The following SLC24A2 variants were observed in gnomAD, a reference collection of about 807,000 sequenced individuals.
SLC24A2 encodes the protein sodium/potassium/calcium exchanger 2.
SLC24A2 carries 36 observed loss-of-function variants against 62.0 expected under a neutral mutation model. The observed-to-expected ratio is 0.58, with a 90% CI of 0.44 to 0.77. SLC24A2 has a LOEUF of 0.77. Ranked by LOEUF, SLC24A2 falls within the 30% of genes least tolerant of loss-of-function variation. The pLI, the probability that SLC24A2 is intolerant of heterozygous loss-of-function variation, is 0.00. For missense variants in SLC24A2, 846 were observed against 817.9 expected (o/e 1.03, Z -0.42); for synonymous variants, 358 against 294.0 (o/e 1.22, Z -2.23).
chr9:20,217,931 T>C, the SLC24A2 span, among the ~76,000 whole-genome samples: 9 of 152,208 alleles, frequency 5.9e-5, no homozygotes, highest in African/African-American at 2.2e-4. Flanking sequence ...AAACCAGTTA[T>C]ATGCGTTTTC....
At chr9:19,543,843 CT>C (rs1194006327) in intron 8 of SLC24A2, among the ~76,000 whole-genome samples, 4 of 152,142 alleles carry the variant, frequency 2.6e-5, no homozygotes, top group African/African-American at 9.7e-5. Flanking sequence ...GAGTGTTTTA[CT>C]TCCAATTATG....
At chr9:19,532,716 G>A (rs1028648381) in intron 8 of SLC24A2, among the ~76,000 whole-genome samples, 5 of 152,084 alleles carry the variant, frequency 3.3e-5, no homozygotes, top group Non-Finnish European at 5.9e-5. Flanking sequence ...AACCTCTGTG[G>A]GTGTCAATTA....
chr9:19,901,248 G>T, the SLC24A2 span, among the ~76,000 whole-genome samples: 952 of 152,282 alleles, frequency 6.3e-3, 4 homozygotes, highest in Admixed American at 9.7e-3. Flanking sequence ...ATATAATGAT[G>T]GCACAAAGGG....
chr9:19,695,679 CAAAA>C (rs66668393), intron 2 of SLC24A2, among the ~76,000 whole-genome samples: 1,043 of 73,602 alleles, frequency 0.014, 7 homozygotes, highest in East Asian at 0.13. Flanking sequence ...TTGTTAGTAG[CAAAA>C]AAAAAAAAAA....
the SLC24A2 span, among the ~76,000 whole-genome samples, chr9:19,963,764 G>C: frequency 1.3e-5 from 2 of 152,100 alleles, no homozygotes; most frequent in Non-Finnish European, 2.9e-5. Flanking sequence ...CTTTTACACT[G>C]TTGGTGGGAC....
In SLC24A2 at chr9:19,756,903, C is replaced by CTTTTTTTTTTTTT. The variant is rs780450451; in HGVS notation, c.930+29021_930+29033dup. On this transcript the variant is annotated intron_variant, in intron 2 of 10. Transcript: ENST00000341998. ...GATATTCACACTTCTTTTACTGAAGCTTTTTTTTTTTTTTTTTTTTTTTAG... is the reference window on the plus strand; with the variant it reads ...GATATTCACACTTCTTTTACTGAAGCTTTTTTTTTTTTTTTTTTTTTTTTTTTTTTTTTTTTAG... Among the ~76,000 whole-genome samples, 18 of 78,536 alleles carry CTTTTTTTTTTTTT rather than the reference C, an allele frequency of 2.3e-4. 3 individuals are homozygous for CTTTTTTTTTTTTT. The highest frequency in any genetic ancestry group is 2.5e-4 in the Non-Finnish European group (11 of 44,496). 51.5% of individuals were successfully genotyped at this position (78,536 alleles called of 152,430 possible). A position where few individuals can be genotyped will look rare whatever the true frequency, so the allele number is the denominator to read the frequency against.
the SLC24A2 span, among the ~76,000 whole-genome samples, chr9:20,286,587 C>A: frequency 3.3e-5 from 5 of 152,268 alleles, no homozygotes; most frequent in African/African-American, 9.6e-5. Flanking sequence ...CAAGGGGGGG[C>A]TGAGATCTGT....
At chr9:20,051,454 G>C in the SLC24A2 span, among the ~76,000 whole-genome samples, 1 of 151,866 alleles carries the variant, frequency 6.6e-6, no homozygotes, top group Non-Finnish European at 1.5e-5. Flanking sequence ...TATCAGCATG[G>C]ATAGATAAGA....
the SLC24A2 span, among the ~76,000 whole-genome samples, chr9:20,164,657 T>A: frequency 1.3e-5 from 2 of 151,686 alleles, no homozygotes; most frequent in Non-Finnish European, 2.9e-5. Context: ...GGACTATAAA[T>A]CATGCTGCTA....
At chr9:20,215,806 A>G in the SLC24A2 span, among the ~76,000 whole-genome samples, 1 of 152,054 alleles carries the variant, frequency 6.6e-6, no homozygotes, top group Non-Finnish European at 1.5e-5. Flanking sequence ...CTGTGAGATT[A>G]CTCCTGGCTC....
the SLC24A2 span, among the ~76,000 whole-genome samples, chr9:20,049,397 A>T: frequency 6.6e-6 from 1 of 152,216 alleles, no homozygotes; most frequent in African/African-American, 2.4e-5. Context: ...AGCTAGCTAA[A>T]CTAAATAGTT....
At chr9:19,979,996 A>T in the SLC24A2 span, among the ~76,000 whole-genome samples, 3 of 152,322 alleles carry the variant, frequency 2.0e-5, no homozygotes, top group South Asian at 6.2e-4. Context: ...CAATTTCTCA[A>T]CTGAAGGAAC....
intron 7 of SLC24A2, among the ~76,000 whole-genome samples, chr9:19,558,632 G>C (rs1450920981): frequency 6.6e-6 from 1 of 152,140 alleles, no homozygotes; most frequent in East Asian, 1.9e-4. Flanking sequence ...GCTAACTTTA[G>C]CAAGAACTGA....
chr9:20,197,580 C>T, the SLC24A2 span, among the ~76,000 whole-genome samples: 88 of 151,966 alleles, frequency 5.8e-4, no homozygotes, highest in Middle Eastern at 6.8e-3. Flanking sequence ...TACAGGCATG[C>T]ACCACCATGC....
chr9:19,859,607 A>G, the SLC24A2 span, among the ~76,000 whole-genome samples: 1 of 152,250 alleles, frequency 6.6e-6, no homozygotes, highest in Non-Finnish European at 1.5e-5. Context: ...ATCTACATGC[A>G]CAATAAATCA....
At chr9:19,868,317 C>A in the SLC24A2 span, among the ~76,000 whole-genome samples, 1 of 151,960 alleles carries the variant, frequency 6.6e-6, no homozygotes, top group East Asian at 1.9e-4. Context: ...AATTTAATTT[C>A]AACCAAGATT....
At chr9:19,641,912 C>A (rs1481462179) in intron 2 of SLC24A2, among the ~76,000 whole-genome samples, 1 of 152,158 alleles carries the variant, frequency 6.6e-6, no homozygotes, top group Non-Finnish European at 1.5e-5. Context: ...AATCCACCAG[C>A]AAATCCTGTC....
At chr9:19,902,533 A>T in the SLC24A2 span, among the ~76,000 whole-genome samples, 1 of 152,176 alleles carries the variant, frequency 6.6e-6, no homozygotes, top group African/African-American at 2.4e-5. Flanking sequence ...CATCATAAAC[A>T]TCAATAACCG....
chr9:20,230,839 T>A, the SLC24A2 span, among the ~76,000 whole-genome samples: 1 of 152,116 alleles, frequency 6.6e-6, no homozygotes, highest in African/African-American at 2.4e-5. Context: ...AATGCCTAGG[T>A]TTTCTTCTAG....
Sources: gnomAD v4.1 joint callset for allele counts (sites outside exome capture counted in the v4.1 genomes callset) on GRCh38, gnomAD v4.1.1 for gene constraint, MANE v1.5 for transcripts, NCBI Gene and HGNC (gene_info 2026-07-23, HGNC 2026-07-21) for gene names.